The following HDAC9 variants were observed in gnomAD, a reference collection of about 807,000 sequenced individuals.
HDAC9 encodes the protein histone deacetylase 9.
HDAC9 carries 41 observed loss-of-function variants against 139.4 expected under a neutral mutation model. The observed-to-expected ratio is 0.29, with a 90% CI of 0.23 to 0.38. The LOEUF (loss-of-function observed/expected upper bound fraction) is 0.38, where lower values mean the gene tolerates loss of function less well. Ranked by LOEUF, HDAC9 falls within the 10% of genes least tolerant of loss-of-function variation. HDAC9 has a pLI of 1.00. For synonymous variants in HDAC9, 517 were observed against 476.2 expected, an observed-to-expected ratio of 1.09 and a Z score of -1.12; for missense variants, 1,147 against 1,297.0, an observed-to-expected ratio of 0.88 and a Z score of 1.78.
At chr7:18,137,926 A>G (rs1455370148) in intron 1 of HDAC9, among the ~76,000 whole-genome samples, 24 of 151,516 alleles carry the variant, frequency 1.6e-4, no homozygotes, top group Admixed American at 1.6e-3. Flanking sequence ...CTGTGAATCC[A>G]TCTGGTCCTG....
At chr7:18,582,896 T>C (rs1446279277) in intron 2 of HDAC9, among the ~76,000 whole-genome samples, 1 of 152,236 alleles carries the variant, frequency 6.6e-6, no homozygotes, top group Non-Finnish European at 1.5e-5. Context: ...TCTTTGGTCA[T>C]ACGCTTAGCC....
chr7:18,430,135 AG>A (rs1562978279), intron 1 of HDAC9, among the ~76,000 whole-genome samples: 2 of 152,226 alleles, frequency 1.3e-5, no homozygotes, highest in Non-Finnish European at 1.5e-5. Flanking sequence ...GGAATGCCAA[AG>A]CTTGGAAATT....
rs958315393 is a variant in HDAC9, at chr7:18,590,571, G to A, written c.415+85G>A. On this transcript the variant is annotated intron_variant, in intron 4 of 25. Transcript: ENST00000686413. ...CAGAACAAAGCCTGATAAAGAGTGC[G>A]GTTAGACTCGTCAAAATTATCTGTG... 33 of 1,328,890 alleles carry A rather than the reference G, an allele frequency of 2.5e-5. No individual in the cohort carries two copies. In the African/African-American group the frequency reaches 3.4e-4, roughly 14 times the overall value. 82.3% of individuals were successfully genotyped at this position (1,328,890 alleles called of 1,614,324 possible).
chr7:18,764,564 A>G (rs758464944), intron 15 of HDAC9, among the ~76,000 whole-genome samples: 1 of 152,018 alleles, frequency 6.6e-6, no homozygotes, highest in Non-Finnish European at 1.5e-5. Context: ...TTAAAGGTTA[A>G]CTTTTAATAC....
chr7:18,807,139 G>C (rs1793775893), intron 17 of HDAC9, among the ~76,000 whole-genome samples: 1 of 152,090 alleles, frequency 6.6e-6, no homozygotes. Flanking sequence ...GCTGTTGCCT[G>C]CTTCAGATTT....
intron 2 of HDAC9, among the ~76,000 whole-genome samples, chr7:18,186,060 G>A (rs1439472449): frequency 6.6e-6 from 1 of 152,162 alleles, no homozygotes; most frequent in African/African-American, 2.4e-5. Context: ...AAACACTATG[G>A]AGTAAGGACT....
At chr7:18,981,253 G>T (rs1038894489) in intron 25 of HDAC9, among the ~76,000 whole-genome samples, 1 of 152,158 alleles carries the variant, frequency 6.6e-6, no homozygotes, top group Admixed American at 6.5e-5. Flanking sequence ...CCAACCAGCA[G>T]AATGAGGAAG....
chr7:18,986,398 T>C (rs1482090679), intron 25 of HDAC9, among the ~76,000 whole-genome samples: 2 of 61,302 alleles, frequency 3.3e-5, no homozygotes, highest in Admixed American at 3.8e-4. Context: ...TGGCATTATT[T>C]CTGAGGGCTC....
chr7:18,437,871 CTCTT>C (rs1466604620), intron 1 of HDAC9, among the ~76,000 whole-genome samples: 1 of 151,146 alleles, frequency 6.6e-6, no homozygotes, highest in African/African-American at 2.4e-5. Flanking sequence ...TTTTCTGTAT[CTCTT>C]TCCAGATCCC....
At chr7:18,665,218 A>ACTT (rs1208712377) in intron 11 of HDAC9, among the ~76,000 whole-genome samples, 20 of 152,270 alleles carry the variant, frequency 1.3e-4, no homozygotes, top group African/African-American at 4.8e-4. Flanking sequence ...TGCTAGTTAC[A>ACTT]ATAATTGGCA....
Position 18,668,879 on chromosome 7 carries a change from C to T in HDAC9, c.1731+2403C>T, listed in dbSNP as rs1006319062. 3 of 982,342 alleles carry T rather than the reference C, an allele frequency of 3.1e-6. No homozygotes were observed. The African/African-American group carries it at 5.3e-5, about 17-fold the overall frequency. 60.9% of individuals were successfully genotyped at this position (982,342 alleles called of 1,614,324 possible). A position where few individuals can be genotyped will look rare whatever the true frequency, so the allele number is the denominator to read the frequency against. ...TACACTTGGCTTTGTGTAAACTTGC[C>T]GTATTTAATCGAAGTTGAAGCTTGC... On this transcript the variant is annotated intron_variant, in intron 12 of 25. Coordinates refer to ENST00000686413, the MANE Select transcript of HDAC9 (RefSeq NM_178425.4).
intron 1 of HDAC9, among the ~76,000 whole-genome samples, chr7:18,466,285 C>T (rs745384139): frequency 1.1e-4 from 16 of 152,196 alleles, no homozygotes; most frequent in Non-Finnish European, 1.6e-4. Context: ...CAACCTCTGC[C>T]TCCCAGGCTC....
chr7:18,478,451 A>G (rs1388547633), intron 1 of HDAC9, among the ~76,000 whole-genome samples: 1 of 152,236 alleles, frequency 6.6e-6, no homozygotes, highest in African/African-American at 2.4e-5. Flanking sequence ...GCGCATTATT[A>G]GCTCATTCCT....
chr7:18,944,440 A>G (rs866366725), intron 23 of HDAC9, among the ~76,000 whole-genome samples: 32 of 152,308 alleles, frequency 2.1e-4, no homozygotes, highest in Admixed American at 9.8e-4. Context: ...GTTTCCTGGA[A>G]GGACAGTAAT....
intron 1 of HDAC9, among the ~76,000 whole-genome samples, chr7:18,350,449 A>T (rs1243408209): frequency 6.6e-6 from 1 of 152,188 alleles, no homozygotes; most frequent in Non-Finnish European, 1.5e-5. Context: ...CTTCATCAAT[A>T]CAAGTATTTT....
At chr7:18,881,478 A>G (rs1271441811) in intron 22 of HDAC9, among the ~76,000 whole-genome samples, 1 of 152,046 alleles carries the variant, frequency 6.6e-6, no homozygotes, top group Non-Finnish European at 1.5e-5. Flanking sequence ...ACAGAGTTGA[A>G]TATAGATTGA....
intron 2 of HDAC9, among the ~76,000 whole-genome samples, chr7:18,271,862 T>C (rs571111123): frequency 3.6e-4 from 55 of 152,286 alleles, no homozygotes; most frequent in African/African-American, 1.3e-3. Context: ...ATCTCAGGCA[T>C]CTAACAAAGT....
At chr7:18,613,415 A>G (rs910097989) in intron 6 of HDAC9, among the ~76,000 whole-genome samples, 14 of 152,074 alleles carry the variant, frequency 9.2e-5, no homozygotes, top group Admixed American at 7.2e-4. Flanking sequence ...CATAGAGCGG[A>G]TTAAGGGACA....
chr7:18,090,604 C>G (rs1412785079), intron 1 of HDAC9, among the ~76,000 whole-genome samples: 1 of 152,176 alleles, frequency 6.6e-6, no homozygotes, highest in East Asian at 1.9e-4. Flanking sequence ...TCATCAGCCT[C>G]ACTGGCAAGA....
Sources: allele counts gnomAD v4.1 joint callset (sites outside exome capture counted in the v4.1 genomes callset), GRCh38; gene constraint gnomAD v4.1.1; transcripts MANE v1.5; gene names NCBI Gene and HGNC (gene_info 2026-07-23, HGNC 2026-07-21).